The following SPPL2B variants were observed in gnomAD, a reference collection of about 807,000 sequenced individuals.
The protein encoded by SPPL2B is signal peptide peptidase like 2B.
A neutral mutation model predicts 59.7 loss-of-function variants in SPPL2B; 39 were observed. The ratio of observed to expected loss-of-function variants is 0.65; its 90% CI spans 0.51 to 0.85. The LOEUF (loss-of-function observed/expected upper bound fraction) is 0.85, where lower values mean the gene tolerates loss of function less well. SPPL2B is among the 40% of genes least tolerant of loss of function. The probability of loss-of-function intolerance (pLI) is 0.00; values close to 1 mark genes in which losing one functional copy is unlikely to be tolerated. For missense variants in SPPL2B, 865 were observed against 849.0 expected (o/e 1.02, Z -0.23); for synonymous variants, 419 against 370.8 (o/e 1.13, Z -1.49).
In SPPL2B at chr19:2,344,024, G is replaced by C; in HGVS notation, c.1098G>C (p.Thr366=). The change falls in exon 10 of 15, where the codon ACG becomes ACC. Residue 366 remains threonine, a synonymous_variant. Coordinates refer to ENST00000613503, the MANE Select transcript of SPPL2B (RefSeq NM_152988.3). ...ACGACATCTTCTTCGTGTTCATCAC[G>C]CCCTTCCTGACCAAGGTAGGCGACT... is the stretch of plus-strand genomic sequence containing the variant. ...FLYDIFFVFI[T]PFLTKSGSSI... 1 of 1,547,522 alleles carries C rather than the reference G, an allele frequency of 6.5e-7. No individual in the cohort carries two copies. The highest frequency in any genetic ancestry group is 8.7e-7 in the Non-Finnish European group (1 of 1,146,392).
intron 2 of SPPL2B, among the ~76,000 whole-genome samples, chr19:2,336,684 G>T (rs1028026191): frequency 1.3e-5 from 2 of 150,666 alleles, no homozygotes; most frequent in Non-Finnish European, 3.0e-5. Context: ...GTGTCTGCTT[G>T]AGTGTGAGTG....
At chr19:2,350,354 G>A (rs1028452072) in intron 13 of SPPL2B, among the ~76,000 whole-genome samples, 6 of 135,706 alleles carry the variant, frequency 4.4e-5, no homozygotes, top group South Asian at 4.8e-4. Flanking sequence ...GCTCTCATTC[G>A]CTTGATTCCG....
chr19:2,337,916 C>T (rs1968751346), intron 3 of SPPL2B: 2 of 373,874 alleles, frequency 5.3e-6, no homozygotes, highest in Non-Finnish European at 9.7e-6. Flanking sequence ...TGACGGAGAC[C>T]ACACTCTCTG....
At chr19:2,336,644 C>CGTGT (rs542453426) in intron 2 of SPPL2B, among the ~76,000 whole-genome samples, 4 of 143,554 alleles carry the variant, frequency 2.8e-5, no homozygotes, top group South Asian at 2.3e-4. Flanking sequence ...GCTGTGTGTG[C>CGTGT]GTGTGTGTGT....
rs1968980634 is a variant in SPPL2B at position 2,340,752 on chromosome 19, A to G, written c.840-146A>G. 1.3e-5 allele frequency: 8 copies of G among 603,884 alleles called. No individual in the cohort carries two copies. In the Admixed American group the frequency reaches 1.5e-4, roughly 11 times the overall value. 37.4% of individuals were successfully genotyped at this position (603,884 alleles called of 1,614,324 possible). Reference sequence around the variant, plus strand: ...TGCCCTTGGGGTGCCTACTGTTGTCATCGTGTGGGATGTGGAGTTTAATGA... The same window carrying G: ...TGCCCTTGGGGTGCCTACTGTTGTCGTCGTGTGGGATGTGGAGTTTAATGA... On this transcript the variant is annotated intron_variant, in intron 7 of 14. Transcript: ENST00000613503.
chr19:2,333,740 C>T (rs539139944), intron 1 of SPPL2B, among the ~76,000 whole-genome samples: 8 of 152,336 alleles, frequency 5.3e-5, no homozygotes, highest in South Asian at 4.1e-4. Context: ...GGCTCCTGCC[C>T]GTGGATCCGG....
chr19:2,350,342 G>C (rs58775091), intron 13 of SPPL2B, among the ~76,000 whole-genome samples: 1 of 128,150 alleles, frequency 7.8e-6, no homozygotes, highest in African/African-American at 3.0e-5. Context: ...ACACACTCAC[G>C]TGCTCTCATT....
intron 2 of SPPL2B, among the ~76,000 whole-genome samples, chr19:2,336,893 CTGTGGG>C (rs139600949): frequency 0.11 from 14,599 of 132,562 alleles, 718 homozygotes; most frequent in Middle Eastern, 0.2. Flanking sequence ...ACTGGTCTGG[CTGTGGG>C]TGTGTGTGTG....
chr19:2,329,028 A>G (rs1968143072), intron 1 of SPPL2B, among the ~76,000 whole-genome samples: 1 of 151,964 alleles, frequency 6.6e-6, no homozygotes, highest in Non-Finnish European at 1.5e-5. Flanking sequence ...ACCGGGTCTG[A>G]AATTTGTGCC....
Position 2,353,129 on chromosome 19 carries a change from G to T in SPPL2B, c.1699G>T (p.Glu567Ter). ...EEMGAGAPMREPGSPAESEGR... is the reference protein window; with the variant it reads ...EEMGAGAPMR ...GATGGGGGCTGGAGCCCCCATGCGG[G>T]AGCCTGGGAGCCCAGCTGAATCCGA... Residue 567 changes from glutamate (E) to a stop codon, truncating the protein, a stop_gained, in exon 15 of 15, where the codon GAG (glutamate) becomes TAG (stop). Coordinates refer to ENST00000613503, the MANE Select transcript of SPPL2B (RefSeq NM_152988.3). LOFTEE classifies it low-confidence loss of function (END_TRUNC). 2 of 1,610,594 alleles carry T rather than the reference G, an allele frequency of 1.2e-6. No individual in the cohort carries two copies. Among genetic ancestry groups the T allele is most frequent in the Middle Eastern group, 1.7e-4 (1 of 6,048 alleles).
rs888585423 is a variant in SPPL2B at position 2,353,208 on chromosome 19, A to G, written c.1778A>G (p.Ter593TrpextTer107). 3 of 1,592,506 alleles carry G rather than the reference A, an allele frequency of 1.9e-6. No homozygotes were observed. Among genetic ancestry groups the G allele is most frequent in the Non-Finnish European group, 2.6e-6 (3 of 1,175,684 alleles). Residue 593 changes from the stop codon to tryptophan, a stop_lost, in exon 15 of 15, where the codon TAG becomes TGG. Coordinates refer to ENST00000613503, the MANE Select transcript of SPPL2B (RefSeq NM_152988.3). ...SPVTQPGASA[*>W] Reference sequence around the variant, plus strand: ...GTAACCCAGCCTGGCGCCTCGGCCTAGGGGAGGGGTGAGACGCTCGCTGCC... The same window carrying G: ...GTAACCCAGCCTGGCGCCTCGGCCTGGGGGAGGGGTGAGACGCTCGCTGCC...
chr19:2,353,467 C>CAGGAGG lies in SPPL2B; in HGVS notation c.*258_*259insAGGAGG, dbSNP rs148356036. 5.1e-5 allele frequency: 6 copies of CAGGAGG among 117,016 alleles called. No homozygotes were observed. Among genetic ancestry groups the CAGGAGG allele is most frequent in the East Asian group, 1.5e-4 (2 of 13,648 alleles). The allele number at this position is 117,016 out of a possible 1,614,324, so 7.2% of individuals were successfully genotyped here. A position where few individuals can be genotyped will look rare whatever the true frequency, so the allele number is the denominator to read the frequency against. On this transcript the variant is annotated 3_prime_UTR_variant, in exon 15 of 15. Transcript: ENST00000613503. ...GCTCTCTGCGGGTCCATCCTCCCCACCGGGGTCCGTCCTCGCAGGCCCTGC... is the reference window on the plus strand; with the variant it reads ...GCTCTCTGCGGGTCCATCCTCCCCACAGGAGGCGGGGTCCGTCCTCGCAGGCCCTGC...
chr19:2,328,750 C>T lies in SPPL2B; in HGVS notation c.41C>T (p.Ala14Val), dbSNP rs1372373830. ...AVAAALARLL[A>V]AFLLLAAQVA... ...GCGGCTGCGCTGGCGCGGCTTTTGG[C>T]GGCCTTTCTGCTCCTCGCGGCCCAG... Residue 14 changes from alanine to valine, a missense_variant, in exon 1 of 15, where the codon GCG becomes GTG. Physicochemically the swap from Ala to Val is moderately conservative, Grantham distance 64. Coordinates refer to ENST00000613503, the MANE Select transcript of SPPL2B (RefSeq NM_152988.3). 6.2e-6 allele frequency: 9 copies of T among 1,461,780 alleles called. No homozygotes were observed. In the East Asian group the frequency reaches 1.4e-4, roughly 23 times the overall value. The allele number at this position is 1,461,780 out of a possible 1,614,324, so 90.6% of individuals were successfully genotyped here. A position where few individuals can be genotyped will look rare whatever the true frequency, so the allele number is the denominator to read the frequency against.
chr19:2,344,004 ATCT>A lies in SPPL2B; in HGVS notation c.1084_1086del (p.Phe362del), dbSNP rs754450419. On this transcript the variant is annotated inframe_deletion, in exon 10 of 15. Coordinates refer to ENST00000613503, the MANE Select transcript of SPPL2B (RefSeq NM_152988.3). ...GCTGCTGGTGCTGTTCCTCTACGAC[ATCT>A]TCTTCGTGTTCATCACGCCCTTCCT... The A allele has an allele frequency of 9.0e-6, 14 of 1,547,962 alleles. No homozygotes were observed. Among genetic ancestry groups the A allele is most frequent in the East Asian group, 2.4e-5 (1 of 40,886 alleles).
chr19:2,341,672 A>G (rs1969066633), intron 8 of SPPL2B: 1 of 435,384 alleles, frequency 2.3e-6, no homozygotes, highest in South Asian at 1.6e-5. Context: ...TTTGGTGTGT[A>G]TTGGAGCCAC....
intron 7 of SPPL2B, chr19:2,340,513 TA>T: frequency 3.4e-6 from 2 of 593,060 alleles, no homozygotes; most frequent in South Asian, 1.6e-5. Context: ...CTCTTAGGGG[TA>T]AAGGGAGCTG....
chr19:2,339,701 T>TC (rs1158141780), intron 5 of SPPL2B, 123 bp from the exon 6 acceptor site: 37 of 1,167,508 alleles, frequency 3.2e-5, no homozygotes, highest in Non-Finnish European at 3.4e-5. Context: ...TGCACTTCAG[T>TC]CCCCCCCGGG....
intron 2 of SPPL2B, among the ~76,000 whole-genome samples, chr19:2,335,670 T>C (rs143502226): frequency 0.12 from 12,747 of 108,306 alleles, 692 homozygotes; most frequent in Middle Eastern, 0.23. Flanking sequence ...CCTCAGGCCC[T>C]GCCTCCTTTC....
At chr19:2,340,440 C>A in intron 7 of SPPL2B, 1 of 634,330 alleles carries the variant, frequency 1.6e-6, no homozygotes, top group Non-Finnish European at 2.9e-6. Flanking sequence ...AGGCCGAACC[C>A]TGGGTTCCCC....
Sources: gnomAD v4.1 joint callset for allele counts (sites outside exome capture counted in the v4.1 genomes callset) on GRCh38, gnomAD v4.1.1 for gene constraint, MANE v1.5 for transcripts, NCBI Gene and HGNC (gene_info 2026-07-23, HGNC 2026-07-21) for gene names.